Variants in ZNF416 observed in about 807,000 individuals in gnomAD.
ZNF416 encodes zinc finger protein 416.
A neutral mutation model predicts 10.9 loss-of-function variants in ZNF416; 5 were observed. That is an observed-to-expected ratio of 0.46 (90% confidence interval 0.24 to 0.97). ZNF416 has a LOEUF of 0.97. Ranked by LOEUF, ZNF416 falls within the 50% of genes least tolerant of loss-of-function variation. ZNF416 has a pLI of 0.19. For synonymous variants in ZNF416, 267 were observed against 251.8 expected (o/e 1.06, Z -0.57); for missense variants, 675 against 715.0 (o/e 0.94, Z 0.64).
Position 57,573,563 on chromosome 19 carries a change from G to A in ZNF416, c.341C>T (p.Thr114Ile). The A allele has an allele frequency of 6.2e-7, 1 of 1,614,218 alleles. No individual in the cohort carries two copies. The highest frequency in any genetic ancestry group is 8.5e-7 in the Non-Finnish European group (1 of 1,180,042). Residue 114 changes from threonine to isoleucine, a missense_variant, in exon 4 of 4, where the codon ACC (threonine) becomes ATC (isoleucine). Coordinates refer to ENST00000196489, the MANE Select transcript of ZNF416 (RefSeq NM_017879.3). ...QSCDMCVPFL[T>I]DILHLTDLPG... Reference sequence around the variant, plus strand: ...CAAATCGGTCAGGTGCAAAATGTCGGTCAGGAATGGGACACACATGTCACA... The same window carrying A: ...CAAATCGGTCAGGTGCAAAATGTCGATCAGGAATGGGACACACATGTCACA...
Position 57,572,451 on chromosome 19 carries a change from G to A in ZNF416, c.1453C>T (p.Gln485Ter). The A allele has an allele frequency of 1.9e-6, 3 of 1,613,782 alleles. No homozygotes were observed. The highest frequency in any genetic ancestry group is 2.5e-6 in the Non-Finnish European group (3 of 1,179,940). The change falls in exon 4 of 4, where the codon CAG becomes TAG. Residue 485 changes from glutamine to a stop codon, truncating the protein, a stop_gained. Coordinates refer to ENST00000196489, the MANE Select transcript of ZNF416 (RefSeq NM_017879.3). LOFTEE classifies it low-confidence loss of function (END_TRUNC). The surrounding 1 kb of genome is among the most constrained non-coding windows in gnomAD (Gnocchi z 4.5). ...FMFKSKLVRHQRTHTGERPFE... is the reference protein window; with the variant it reads ...FMFKSKLVRH ...GGCCTTTCTCCAGTGTGAGTTCTCT[G>A]GTGCCTAACAAGTTTAGATTTGAAC...
rs1555796290 is a variant in ZNF416, at chr19:57,571,641, G to C, written c.*478C>G. Reference sequence around the variant, plus strand: ...GCAGCCAGTTACTAGGTGGTGACTTGGAGGCTGGAAAAACTACCAAGTGTT... The same window carrying C: ...GCAGCCAGTTACTAGGTGGTGACTTCGAGGCTGGAAAAACTACCAAGTGTT... On this transcript the variant is annotated 3_prime_UTR_variant, in exon 4 of 4. Coordinates refer to ENST00000196489, the MANE Select transcript of ZNF416 (RefSeq NM_017879.3). The C allele has an allele frequency of 6.3e-6, 1 of 158,862 alleles. No homozygotes were observed. Among genetic ancestry groups the C allele is most frequent in the Non-Finnish European group, 1.4e-5 (1 of 71,530 alleles). 9.8% of individuals were successfully genotyped at this position (158,862 alleles called of 1,614,324 possible). A position where few individuals can be genotyped will look rare whatever the true frequency, so the allele number is the denominator to read the frequency against.
intron 1 of ZNF416, 140 bp downstream of exon 1, chr19:57,578,531 TA>T: frequency 1.0e-6 from 1 of 953,492 alleles, no homozygotes; most frequent in Non-Finnish European, 1.5e-6. Context: ...ACCAGGCTTG[TA>T]AATGGGAGCC....
chr19:57,573,429 C>A lies in ZNF416; in HGVS notation c.475G>T (p.Val159Leu), dbSNP rs529645090. 6.2e-7 allele frequency: 1 copy of A among 1,614,238 alleles called. No individual in the cohort carries two copies. The highest frequency in any genetic ancestry group is 1.1e-5 in the South Asian group (1 of 91,090). Reference protein sequence around the residue: ...LESDMDKASFVQCCLFHESGM... With the variant: ...LESDMDKASFLQCCLFHESGM... ...GACTCATGGAACAGGCAGCACTGCACAAATGAGGCCTTGTCCATGTCACTT... is the reference window on the plus strand; with the variant it reads ...GACTCATGGAACAGGCAGCACTGCAAAAATGAGGCCTTGTCCATGTCACTT... The change falls in exon 4 of 4, where the codon GTG (valine) becomes TTG (leucine). Residue 159 changes from valine to leucine, a missense_variant. Coordinates refer to ENST00000196489, the MANE Select transcript of ZNF416 (RefSeq NM_017879.3).
intron 2 of ZNF416, 135 bp downstream of exon 2, chr19:57,577,922 C>T (rs1372167659): frequency 4.3e-6 from 4 of 937,984 alleles, no homozygotes; most frequent in Non-Finnish European, 6.8e-6. Flanking sequence ...GGATGTATGA[C>T]CCTGGGACTG....
intron 3 of ZNF416, among the ~76,000 whole-genome samples, chr19:57,574,994 A>G (rs1978478982): frequency 6.6e-6 from 1 of 152,208 alleles, no homozygotes; most frequent in South Asian, 2.1e-4. Flanking sequence ...CATGGAGGGC[A>G]GGAAGATGGG....
chr19:57,573,215 A>T lies in ZNF416; in HGVS notation c.689T>A (p.Phe230Tyr), dbSNP rs759230589. The T allele has an allele frequency of 1.2e-5, 20 of 1,614,086 alleles. No individual in the cohort carries two copies. Among genetic ancestry groups the T allele is most frequent in the Non-Finnish European group, 1.7e-5 (20 of 1,180,024 alleles). The change falls in exon 4 of 4, where the codon TTT (phenylalanine) becomes TAT (tyrosine). Residue 230 changes from phenylalanine to tyrosine, a missense_variant. Phe to Tyr is a conservative substitution (Grantham distance 22, BLOSUM62 3). Coordinates refer to ENST00000196489, the MANE Select transcript of ZNF416 (RefSeq NM_017879.3). ...CRRESSHKHT[F>Y]FHPRVCTGKR... ...TCCAGTGCAGACTCTAGGGTGAAAA[A>T]AAGTGTGTTTGTGGCTGGACTCTCT...
intron 2 of ZNF416, among the ~76,000 whole-genome samples, chr19:57,576,572 C>T (rs1978544358): frequency 6.6e-6 from 1 of 152,118 alleles, no homozygotes. Context: ...TCTACATCCT[C>T]AGTCACCCAG....
At chr19:57,576,005 C>T in intron 2 of ZNF416, 75 bp from the exon 3 acceptor site, 1 of 1,553,506 alleles carries the variant, frequency 6.4e-7, no homozygotes, top group Non-Finnish European at 8.7e-7. Context: ...CCCACACATC[C>T]TTTCCCTGCT....
chr19:57,578,746 G>A lies in ZNF416; in HGVS notation c.-42C>T, dbSNP rs1978649644. On this transcript the variant is annotated 5_prime_UTR_variant, in exon 1 of 4. Transcript: ENST00000196489. ...CGGGGCCGGGAGCGGCGGGCGACCCGGGGCGGGAACCCAGGCACGGCTGCC... is the reference window on the plus strand; with the variant it reads ...CGGGGCCGGGAGCGGCGGGCGACCCAGGGCGGGAACCCAGGCACGGCTGCC... 4.9e-6 allele frequency: 7 copies of A among 1,440,148 alleles called. No homozygotes were observed. The highest frequency in any genetic ancestry group is 6.4e-6 in the Non-Finnish European group (7 of 1,091,024). The allele number at this position is 1,440,148 out of a possible 1,614,324, so 89.2% of individuals were successfully genotyped here.
chr19:57,578,662 C>A lies in ZNF416; in HGVS notation c.33+10G>T. On this transcript the variant is annotated intron_variant, in intron 1 of 3. Coordinates refer to ENST00000196489, the MANE Select transcript of ZNF416 (RefSeq NM_017879.3). ...GAGGGCAGGTGAGGCCCGGGAGACG[C>A]AGCACTCACCGAAGTCGAATCCCTA... 1 of 1,552,654 alleles carries A rather than the reference C, an allele frequency of 6.4e-7. No homozygotes were observed. The highest frequency in any genetic ancestry group is 8.7e-7 in the Non-Finnish European group (1 of 1,150,956).
At position 57,572,289 on chromosome 19, in the gene ZNF416, G is replaced by C; in HGVS notation, c.1615C>G (p.Gln539Glu). The C allele has an allele frequency of 1.2e-6, 2 of 1,614,026 alleles. No homozygotes were observed. ...KSFIQKSSLI[Q>E]HQVVHTGERP... ...TCTCCTGTGTGAACCACTTGGTGTT[G>C]AATGAGGCTAGACTTTTGGATAAAG... The change falls in exon 4 of 4, where the codon CAA becomes GAA. Residue 539 changes from glutamine to glutamate, a missense_variant. Gln to Glu is a conservative substitution (Grantham distance 29). Transcript: ENST00000196489. This position sits in a 1 kb window ranked among gnomAD's most constrained non-coding sequence, Gnocchi z 4.5.
Position 57,573,573 on chromosome 19 carries a change from G to A in ZNF416, c.331C>T (p.Pro111Ser). 6.2e-7 allele frequency: 1 copy of A among 1,614,162 alleles called. No individual in the cohort carries two copies. The highest frequency in any genetic ancestry group is 8.5e-7 in the Non-Finnish European group (1 of 1,180,022). Reference sequence around the variant, plus strand: ...AGGTGCAAAATGTCGGTCAGGAATGGGACACACATGTCACAGGATTGAATC... The same window carrying A: ...AGGTGCAAAATGTCGGTCAGGAATGAGACACACATGTCACAGGATTGAATC... ...QKIQSCDMCV[P>S]FLTDILHLTD... The change falls in exon 4 of 4, where the codon CCA (proline) becomes TCA (serine). Residue 111 changes from proline to serine, a missense_variant. Transcript: ENST00000196489.
chr19:57,578,590 G>T, intron 1 of ZNF416, 82 bp downstream of exon 1: 1 of 1,412,968 alleles, frequency 7.1e-7, no homozygotes, highest in Non-Finnish European at 9.4e-7. Flanking sequence ...CGGGCTGCAG[G>T]GACGCAAGCA....
At chr19:57,578,561 T>TA (rs1978635252) in intron 1 of ZNF416, 111 bp downstream of exon 1, 2 of 1,244,450 alleles carry the variant, frequency 1.6e-6, no homozygotes, top group Middle Eastern at 2.0e-4. Context: ...GAGGGCCTCA[T>TA]AGTCCTGGAC....
In ZNF416 at chr19:57,573,424, C is replaced by G; in HGVS notation, c.480G>C (p.Gln160His). ...TTCCTGACTCATGGAACAGGCAGCACTGCACAAATGAGGCCTTGTCCATGT... is the reference window on the plus strand; with the variant it reads ...TTCCTGACTCATGGAACAGGCAGCAGTGCACAAATGAGGCCTTGTCCATGT... ...ESDMDKASFV[Q>H]CCLFHESGMP... The change falls in exon 4 of 4, where the codon CAG becomes CAC. Residue 160 changes from glutamine to histidine, a missense_variant. By Grantham distance (24) the Gln-to-His change is conservative. Transcript: ENST00000196489. The G allele has an allele frequency of 6.2e-7, 1 of 1,614,260 alleles. No individual in the cohort carries two copies. Among genetic ancestry groups the G allele is most frequent in the Non-Finnish European group, 8.5e-7 (1 of 1,180,048 alleles).
In ZNF416 at chr19:57,578,118, A is replaced by G. The variant is rs754416129; in HGVS notation, c.34-20T>C. ...GGGAACCTGCGGGAAGAGGAAGGCTATGAGAGGCAGGTAACTATGGTGGAA... is the reference window on the plus strand; with the variant it reads ...GGGAACCTGCGGGAAGAGGAAGGCTGTGAGAGGCAGGTAACTATGGTGGAA... On this transcript the variant is annotated intron_variant, in intron 1 of 3. Transcript: ENST00000196489. 1 of 1,614,118 alleles carries G rather than the reference A, an allele frequency of 6.2e-7. No individual in the cohort carries two copies. The highest frequency in any genetic ancestry group is 8.5e-7 in the Non-Finnish European group (1 of 1,179,966).
Position 57,573,462 on chromosome 19 carries a change from G to A in ZNF416, c.442C>T (p.Pro148Ser), listed in dbSNP as rs765573804. 1.2e-6 allele frequency: 2 copies of A among 1,614,222 alleles called. No individual in the cohort carries two copies. The highest frequency in any genetic ancestry group is 4.5e-5 in the East Asian group (2 of 44,880). Residue 148 changes from proline to serine, a missense_variant, in exon 4 of 4, where the codon CCC (proline) becomes TCC (serine). Pro to Ser is a moderately conservative substitution (Grantham distance 74). Transcript: ENST00000196489. ...QDQKHHSAEK[P>S]LESDMDKASF... ...GCCTTGTCCATGTCACTTTCCAAGG[G>A]TTTCTCTGCACTATGATGCTTCTGG...
At chr19:57,578,001 TCA>T in intron 2 of ZNF416, 54 bp downstream of exon 2, 3 of 1,596,506 alleles carry the variant, frequency 1.9e-6, no homozygotes, top group Admixed American at 1.7e-5. Flanking sequence ...GAACACAATC[TCA>T]GAGACAAACA....
Sources: allele counts gnomAD v4.1 joint callset (sites outside exome capture counted in the v4.1 genomes callset), GRCh38; gene constraint gnomAD v4.1.1; non-coding constraint Gnocchi (gnomAD v3.1); transcripts MANE v1.5; gene names NCBI Gene and HGNC (gene_info 2026-07-23, HGNC 2026-07-21).